RGPD3: variants seen among roughly 807,000 people sequenced by gnomAD.
The protein encoded by RGPD3 is RANBP2 like and GRIP domain containing 3, also known as ranBP2-like and GRIP domain-containing protein 3.
In RGPD3, 62 loss-of-function variants were observed where a neutral mutation model predicts 154.5. The ratio of observed to expected loss-of-function variants is 0.40; its 90% CI spans 0.33 to 0.50. The LOEUF is 0.50. Among genes scored for constraint, RGPD3 ranks in the 20% least tolerant of loss-of-function variants. The pLI is 0.59. For synonymous variants in RGPD3, 308 were observed against 607.0 expected, an observed-to-expected ratio of 0.51 and a Z score of 7.24; for missense variants, 919 against 1,716.8, an observed-to-expected ratio of 0.54 and a Z score of 8.21.
chr2:106,442,542 C>T (rs1257948656), intron 7 of RGPD3, among the ~76,000 whole-genome samples: 2 of 130,814 alleles, frequency 1.5e-5, no homozygotes, highest in Admixed American at 7.7e-5. Context: ...GAAGGGAAGA[C>T]GTGACAGCTG....
At chr2:106,407,386 A>G (rs1676547525) in intron 22 of RGPD3, among the ~76,000 whole-genome samples, 1 of 152,166 alleles carries the variant, frequency 6.6e-6, no homozygotes, top group South Asian at 2.1e-4. Context: ...GGAGGAGGCA[A>G]TGAGGGCAAA....
Position 106,441,375 on chromosome 2 carries a change from T to C in RGPD3, c.984A>G (p.Pro328=). ...CTTTTATTAATTTAATCTTTGGTCT[T>C]GGAACCTAATAATTTTAGAATCAAA... ...ALCYLIAFQV[P]RPKIKLIKGE... The change falls in exon 8 of 23, where the codon CCA becomes CCG. Residue 328 remains proline (P), a synonymous_variant. Coordinates refer to ENST00000409886, the MANE Select transcript of RGPD3 (RefSeq NM_001144013.2). 6.7e-7 allele frequency: 1 copy of C among 1,494,310 alleles called. No individual in the cohort carries two copies. The highest frequency in any genetic ancestry group is 1.4e-5 in the African/African-American group (1 of 69,636). The allele number at this position is 1,494,310 out of a possible 1,614,324, so 92.6% of individuals were successfully genotyped here.
chr2:106,415,497 A>G lies in RGPD3; in HGVS notation c.5064+353T>C, dbSNP rs532325290. Among the ~76,000 whole-genome samples, 7 of 151,994 alleles carry G rather than the reference A, an allele frequency of 4.6e-5. No homozygotes were observed. The South Asian group carries it at 1.5e-3, about 32-fold the overall frequency. On this transcript the variant is annotated intron_variant, in intron 21 of 22. Transcript: ENST00000409886. ...TCGAGACCATCCTGGATAACATGGT[A>G]AACCCTGTCTCTACTAAAAATACAA...
rs1314774964 is a variant in RGPD3 at position 106,446,600 on chromosome 2, G to A, written c.978+818C>T. Among the ~76,000 whole-genome samples, 902 of 132,490 alleles carry A rather than the reference G, an allele frequency of 6.8e-3. 5 individuals are homozygous for A. The highest frequency in any genetic ancestry group is 0.023 in the African/African-American group (835 of 35,774). The allele number at this position is 132,490 out of a possible 152,430, so 86.9% of individuals were successfully genotyped here. ...AAAAAAAAAAAAAAAAAGGCCAGGC[G>A]CGCCAGGCGCAGTGCCTCGCGCCTG... On this transcript the variant is annotated intron_variant, in intron 7 of 22. Transcript: ENST00000409886.
chr2:106,425,026 C>A lies in RGPD3; in HGVS notation c.2941G>T (p.Gly981Ter), dbSNP rs1677151362. 3.1e-6 allele frequency: 5 copies of A among 1,611,862 alleles called. No homozygotes were observed. The highest frequency in any genetic ancestry group is 4.2e-6 in the Non-Finnish European group (5 of 1,179,814). Residue 981 changes from glycine (G) to a stop codon, truncating the protein, a stop_gained, in exon 20 of 23, where the codon GGA (glycine) becomes TGA (stop). Transcript: ENST00000409886. LOFTEE classifies it high-confidence loss of function. ...TTTTTGCCAAACTGAAATCCTTCTC[C>A]TGAAGTTGATTTTGCAACATCTGCA... ...TFADVAKSTS[G>*]EGFQFGKKDL... is the part of the protein sequence containing the mutation.
At chr2:106,420,428 G>A (rs1323104884) in intron 20 of RGPD3, among the ~76,000 whole-genome samples, 1 of 151,858 alleles carries the variant, frequency 6.6e-6, no homozygotes, top group African/African-American at 2.4e-5. Flanking sequence ...GTTTAATAAA[G>A]TAAGCCAGTC....
At chr2:106,411,755 T>C (rs911619547) in intron 22 of RGPD3, among the ~76,000 whole-genome samples, 1 of 151,898 alleles carries the variant, frequency 6.6e-6, no homozygotes, top group African/African-American at 2.4e-5. Context: ...GAGGAGGAGG[T>C]TGCAGTGAGC....
intron 21 of RGPD3, among the ~76,000 whole-genome samples, chr2:106,414,370 T>A (rs1289267742): frequency 1.3e-5 from 2 of 152,184 alleles, no homozygotes; most frequent in Non-Finnish European, 2.9e-5. Context: ...ATGCCTGTAA[T>A]CCCAACACTT....
At chr2:106,466,011 G>GC (rs1558864595) in intron 1 of RGPD3, among the ~76,000 whole-genome samples, 4 of 151,904 alleles carry the variant, frequency 2.6e-5, no homozygotes, top group African/African-American at 9.7e-5. Flanking sequence ...TATGACCTCC[G>GC]CCGCAGCATA....
chr2:106,466,284 C>G (rs1573308648), intron 1 of RGPD3, among the ~76,000 whole-genome samples: 1 of 151,828 alleles, frequency 6.6e-6, no homozygotes, highest in East Asian at 2.0e-4. Context: ...AGGACTGCGC[C>G]AGCCGGCGGG....
intron 18 of RGPD3, 85 bp from the exon 19 acceptor site, chr2:106,426,173 A>G: frequency 2.0e-6 from 3 of 1,511,328 alleles, no homozygotes; most frequent in Non-Finnish European, 2.6e-6. Context: ...ACAAATACAA[A>G]AGCAATAGAA....
chr2:106,411,779 C>T (rs1428924745), intron 22 of RGPD3, among the ~76,000 whole-genome samples: 1 of 152,174 alleles, frequency 6.6e-6, no homozygotes, highest in African/African-American at 2.4e-5. Context: ...GATCGGACCA[C>T]TGCACTCCAG....
At chr2:106,421,093 C>T (rs1386464469) in intron 20 of RGPD3, among the ~76,000 whole-genome samples, 6 of 152,166 alleles carry the variant, frequency 3.9e-5, no homozygotes, top group Admixed American at 6.5e-5. Flanking sequence ...GGAGAAATAA[C>T]AGTACACCGT....
At chr2:106,458,164 CA>C (rs1395880320) in intron 2 of RGPD3, among the ~76,000 whole-genome samples, 1 of 120,298 alleles carries the variant, frequency 8.3e-6, no homozygotes, top group Admixed American at 9.8e-5. Context: ...TAAAATCGAA[CA>C]GAAGAAAAAT....
At chr2:106,410,834 T>C (rs924506007) in intron 22 of RGPD3, among the ~76,000 whole-genome samples, 3 of 152,076 alleles carry the variant, frequency 2.0e-5, no homozygotes, top group African/African-American at 4.8e-5. Flanking sequence ...ATACATGATG[T>C]ATTCTTATTT....
At chr2:106,449,447 C>G (rs1002005013) in intron 6 of RGPD3, among the ~76,000 whole-genome samples, 3 of 48,336 alleles carry the variant, frequency 6.2e-5, no homozygotes, top group African/African-American at 2.6e-4. Context: ...GCCTGGGCAA[C>G]AAGAGCAAAA....
intron 20 of RGPD3, among the ~76,000 whole-genome samples, chr2:106,417,602 C>T (rs1345464612): frequency 2.7e-5 from 4 of 149,872 alleles, no homozygotes; most frequent in African/African-American, 1.0e-4. Context: ...GTGTGCATGT[C>T]TAGAAGCGGG....
At chr2:106,418,815 G>C (rs1188912236) in intron 20 of RGPD3, among the ~76,000 whole-genome samples, 1 of 150,092 alleles carries the variant, frequency 6.7e-6, no homozygotes, top group Non-Finnish European at 1.5e-5. Context: ...TGATCCACCC[G>C]CCTTGGCCTC....
rs755759956 is a variant in RGPD3 at position 106,424,640 on chromosome 2, A to G, written c.3327T>C (p.Cys1109=). ...TTGTAGTCGTTATCCAATGATTAGC[A>G]CACACTTTTAGTACTTGTTCTCTTT... is the stretch of plus-strand genomic sequence containing the variant. ...LMQREQVLKV[C]ANHWITTTMN... The change falls in exon 20 of 23, where the codon TGT becomes TGC. Residue 1109 remains cysteine (C), a synonymous_variant. Transcript: ENST00000409886. 3.7e-6 allele frequency: 6 copies of G among 1,611,950 alleles called. No individual in the cohort carries two copies. The South Asian group carries it at 6.6e-5, about 18-fold the overall frequency.
Sources: allele counts gnomAD v4.1 joint callset (sites outside exome capture counted in the v4.1 genomes callset), GRCh38; gene constraint gnomAD v4.1.1; transcripts MANE v1.5; gene names NCBI Gene and HGNC (gene_info 2026-07-23, HGNC 2026-07-21).